UNC5D: variants seen among roughly 807,000 people sequenced by gnomAD.
UNC5D encodes unc-5 netrin receptor D.
In UNC5D, 39 loss-of-function variants were observed where a neutral mutation model predicts 105.4. That is an observed-to-expected ratio of 0.37 (90% confidence interval 0.29 to 0.48). The LOEUF (loss-of-function observed/expected upper bound fraction) is 0.48, where lower values mean the gene tolerates loss of function less well. Ranked by LOEUF, UNC5D falls within the 20% of genes least tolerant of loss-of-function variation. UNC5D has a pLI of 0.98. For missense variants in UNC5D, 991 were observed against 1,202.4 expected, an observed-to-expected ratio of 0.82 and a Z score of 2.60; for synonymous variants, 452 against 450.4, an observed-to-expected ratio of 1.00 and a Z score of -0.04.
At chr8:35,584,606 T>TTTTGTTTG (rs142858924) in intron 3 of UNC5D, among the ~76,000 whole-genome samples, 1 of 151,284 alleles carries the variant, frequency 6.6e-6, no homozygotes, top group African/African-American at 2.4e-5. Context: ...GTTTTCCTGG[T>TTTTGTTTG]TTTGTTTGTT....
At chr8:35,597,981 A>G (rs949456682) in intron 4 of UNC5D, among the ~76,000 whole-genome samples, 1 of 151,850 alleles carries the variant, frequency 6.6e-6, no homozygotes, top group African/African-American at 2.4e-5. Flanking sequence ...GGCCCCTTCA[A>G]TCTCTCTCAG....
At chr8:35,634,948 C>T (rs1563615091) in intron 4 of UNC5D, among the ~76,000 whole-genome samples, 1 of 151,716 alleles carries the variant, frequency 6.6e-6, no homozygotes, top group African/African-American at 2.4e-5. Flanking sequence ...GTATTTTTAG[C>T]AGAGACGGGA....
intron 1 of UNC5D, among the ~76,000 whole-genome samples, chr8:35,364,285 C>A (rs1164972353): frequency 1.3e-5 from 2 of 151,984 alleles, no homozygotes; most frequent in African/African-American, 2.4e-5. Context: ...TTAGCATGAG[C>A]TCATGGATTA....
At position 35,759,365 on chromosome 8, in the gene UNC5D, G is replaced by A; in HGVS notation, c.2209G>A (p.Glu737Lys). 6.2e-7 allele frequency: 1 copy of A among 1,614,058 alleles called. No individual in the cohort carries two copies. Among genetic ancestry groups the A allele is most frequent in the African/African-American group, 1.3e-5 (1 of 75,046 alleles). ...ERHQGGQLLE[E>K]PKLLHFKGNT... ...GCATCAAGGTGGACAGCTCCTGGAA[G>A]AACCAAAATTGCTGCATTTCAAAGG... The change falls in exon 14 of 17, where the codon GAA becomes AAA. Residue 737 changes from glutamate to lysine, a missense_variant. By Grantham distance (56) the Glu-to-Lys change is moderately conservative. Around this residue, in one of 3 missense-constraint regions of UNC5D, gnomAD observed 944 missense variants for 1,131.6 expected, o/e 0.83. Transcript: ENST00000404895.
intron 9 of UNC5D, among the ~76,000 whole-genome samples, chr8:35,725,557 C>T (rs1828812823): frequency 6.6e-6 from 1 of 152,024 alleles, no homozygotes; most frequent in South Asian, 2.1e-4. Flanking sequence ...AGCAAATTGG[C>T]TACTCAGATG....
chr8:35,708,596 A>G (rs935300251), intron 8 of UNC5D, among the ~76,000 whole-genome samples: 2 of 152,198 alleles, frequency 1.3e-5, no homozygotes, highest in African/African-American at 2.4e-5. Context: ...CCTTGAGACA[A>G]TAAGACTCCT....
intron 4 of UNC5D, among the ~76,000 whole-genome samples, chr8:35,639,755 C>A (rs1026209881): frequency 1.6e-4 from 25 of 151,884 alleles, no homozygotes; most frequent in African/African-American, 6.0e-4. Flanking sequence ...CTTCTTTTTT[C>A]TTTTTTTAAG....
At chr8:35,373,210 G>C (rs1282440481) in intron 1 of UNC5D, among the ~76,000 whole-genome samples, 1 of 152,204 alleles carries the variant, frequency 6.6e-6, no homozygotes, top group African/African-American at 2.4e-5. Flanking sequence ...ACAAAGGGCA[G>C]TGTTGCATTT....
At chr8:35,721,198 G>A (rs536820079) in intron 8 of UNC5D, among the ~76,000 whole-genome samples, 2 of 152,166 alleles carry the variant, frequency 1.3e-5, no homozygotes, top group African/African-American at 4.8e-5. Flanking sequence ...GATTAACTAT[G>A]TAGTTAGCAC....
At chr8:35,298,371 G>C (rs1807658955) in intron 1 of UNC5D, among the ~76,000 whole-genome samples, 2 of 152,110 alleles carry the variant, frequency 1.3e-5, no homozygotes, top group Non-Finnish European at 2.9e-5. Flanking sequence ...ACTGTGTTTA[G>C]TTCTACTTCA....
chr8:35,534,275 T>C (rs1814666350), intron 1 of UNC5D, among the ~76,000 whole-genome samples: 1 of 152,224 alleles, frequency 6.6e-6, no homozygotes, highest in African/African-American at 2.4e-5. Context: ...TCTCTGACAC[T>C]GTTGTGCCAT....
intron 3 of UNC5D, among the ~76,000 whole-genome samples, chr8:35,572,275 CAA>C (rs58478029): frequency 0.018 from 1,295 of 72,410 alleles, 8 homozygotes; most frequent in African/African-American, 0.052. Context: ...GCGAGACTGT[CAA>C]AAAAAAAAAA....
intron 1 of UNC5D, among the ~76,000 whole-genome samples, chr8:35,481,900 T>C (rs1238586396): frequency 6.6e-6 from 1 of 152,206 alleles, no homozygotes; most frequent in Non-Finnish European, 1.5e-5. Flanking sequence ...CCTCTGCTTT[T>C]CAAGATCACT....
intron 1 of UNC5D, among the ~76,000 whole-genome samples, chr8:35,411,650 A>G (rs1442476844): frequency 6.6e-6 from 1 of 151,946 alleles, no homozygotes; most frequent in Admixed American, 6.6e-5. Flanking sequence ...GTAAACCACA[A>G]CCTCATCATT....
At position 35,341,010 on chromosome 8, in the gene UNC5D, T is replaced by G. The variant is rs187012084; in HGVS notation, c.103+105123T>G. On this transcript the variant is annotated intron_variant, in intron 1 of 16. Transcript: ENST00000404895. ...CTTCCCTACTTTAAAAGTGGTTAAT[T>G]TTAAGAACTAGGAACATACCCTGCC... Among the ~76,000 whole-genome samples, 88 of 152,276 alleles carry G rather than the reference T, an allele frequency of 5.8e-4. 2 individuals carry two copies. The East Asian group carries it at 0.012, about 20-fold the overall frequency.
At chr8:35,525,328 A>G (rs1033272798) in intron 1 of UNC5D, 2 of 1,612,148 alleles carry the variant, frequency 1.2e-6, no homozygotes, top group Non-Finnish European at 1.7e-6. Context: ...TCCACTTGAT[A>G]TGGGGGTGTA....
At chr8:35,683,811 C>T (rs952207026) in intron 5 of UNC5D, 84 bp downstream of exon 5, 9 of 1,312,190 alleles carry the variant, frequency 6.9e-6, no homozygotes, top group Middle Eastern at 2.7e-4. Flanking sequence ...CTTTCAATGT[C>T]GAGAGCTGCA....
intron 11 of UNC5D, among the ~76,000 whole-genome samples, chr8:35,741,493 C>T (rs1829760458): frequency 6.6e-6 from 1 of 152,104 alleles, no homozygotes; most frequent in African/African-American, 2.4e-5. Flanking sequence ...CTTTTCCTGC[C>T]CCTATGAATG....
intron 1 of UNC5D, among the ~76,000 whole-genome samples, chr8:35,497,463 C>T (rs1811672356): frequency 6.6e-6 from 1 of 152,190 alleles, no homozygotes; most frequent in African/African-American, 2.4e-5. Flanking sequence ...TATTCTGTGG[C>T]CCTCTAGCCA....
Sources: gnomAD v4.1 joint callset for allele counts (sites outside exome capture counted in the v4.1 genomes callset) on GRCh38, gnomAD v4.1.1 for gene constraint, gnomAD v4.1.1 regional missense constraint, MANE v1.5 for transcripts, NCBI Gene and HGNC (gene_info 2026-07-23, HGNC 2026-07-21) for gene names.